The following CA10 variants were observed in gnomAD, a reference collection of about 807,000 sequenced individuals.
CA10 encodes the protein carbonic anhydrase 10 (inactive).
A neutral mutation model predicts 44.2 loss-of-function variants in CA10; 14 were observed. The observed-to-expected ratio is 0.32, with a 90% CI of 0.21 to 0.50. CA10 has a LOEUF of 0.50. Among genes scored for constraint, CA10 ranks in the 20% least tolerant of loss-of-function variants. The pLI is 0.99. For missense variants in CA10, 350 were observed against 409.7 expected, an observed-to-expected ratio of 0.85 and a Z score of 1.26; for synonymous variants, 159 against 141.6, an observed-to-expected ratio of 1.12 and a Z score of -0.87.
chr17:51,898,900 C>T (rs1433835111), intron 3 of CA10, among the ~76,000 whole-genome samples: 1 of 151,198 alleles, frequency 6.6e-6, no homozygotes, highest in Non-Finnish European at 1.5e-5. Flanking sequence ...TGGTAACGTC[C>T]CCTTTGCCAT....
intron 3 of CA10, among the ~76,000 whole-genome samples, chr17:51,889,105 A>G (rs1410305645): frequency 6.6e-6 from 1 of 152,124 alleles, no homozygotes; most frequent in Non-Finnish European, 1.5e-5. Flanking sequence ...TGTGAGGGAG[A>G]GTCCCACAAG....
intron 2 of CA10, among the ~76,000 whole-genome samples, chr17:51,974,000 T>C (rs931217977): frequency 2.0e-5 from 3 of 152,142 alleles, no homozygotes; most frequent in Non-Finnish European, 2.9e-5. Context: ...AAGCATATAC[T>C]TATTTCCTTG....
intron 3 of CA10, among the ~76,000 whole-genome samples, chr17:51,840,792 A>C (rs1978313134): frequency 6.6e-6 from 1 of 152,228 alleles, no homozygotes; most frequent in Non-Finnish European, 1.5e-5. Context: ...ATACGATATC[A>C]AAACCACAGT....
At chr17:51,824,941 G>A (rs890683129) in intron 3 of CA10, among the ~76,000 whole-genome samples, 27 of 152,356 alleles carry the variant, frequency 1.8e-4, no homozygotes, top group Admixed American at 1.6e-3. Context: ...CTGGCTAGCC[G>A]CTGGTTCGGT....
intron 2 of CA10, among the ~76,000 whole-genome samples, chr17:51,967,837 G>A (rs1007488088): frequency 4.0e-5 from 6 of 151,184 alleles, no homozygotes; most frequent in African/African-American, 1.5e-4. Flanking sequence ...AATAAAAGTT[G>A]AAATTATAAA....
chr17:51,727,796 A>G (rs1469241223), intron 4 of CA10, among the ~76,000 whole-genome samples: 3 of 152,218 alleles, frequency 2.0e-5, no homozygotes, highest in Non-Finnish European at 4.4e-5. Context: ...TTAGGAACAC[A>G]GCAGTGAAAA....
At chr17:51,714,300 G>A (rs1916030613) in intron 4 of CA10, among the ~76,000 whole-genome samples, 1 of 152,180 alleles carries the variant, frequency 6.6e-6, no homozygotes, top group Non-Finnish European at 1.5e-5. Context: ...TGAAAAAACT[G>A]AGTTCCGTCA....
At chr17:52,060,885 C>G (rs904017962) in intron 2 of CA10, among the ~76,000 whole-genome samples, 4 of 152,108 alleles carry the variant, frequency 2.6e-5, no homozygotes, top group African/African-American at 9.7e-5. Flanking sequence ...TAGATAGTAA[C>G]TTTATCTAAT....
chr17:51,789,641 A>G (rs1255603984), intron 3 of CA10, among the ~76,000 whole-genome samples: 1 of 151,988 alleles, frequency 6.6e-6, no homozygotes. Flanking sequence ...CCTCCACTCC[A>G]CCTGACTAAC....
At chr17:52,043,346 T>G (rs1447602003) in intron 2 of CA10, among the ~76,000 whole-genome samples, 1 of 152,084 alleles carries the variant, frequency 6.6e-6, no homozygotes, top group Non-Finnish European at 1.5e-5. Context: ...TAAATTTGAT[T>G]GTTTTCTTAA....
Position 51,867,578 on chromosome 17 carries a change from G to A in CA10, c.279+63412C>T, listed in dbSNP as rs183634920. Among the ~76,000 whole-genome samples, 51 of 152,314 alleles carry A rather than the reference G, an allele frequency of 3.3e-4. 3 individuals are homozygous for A. Among genetic ancestry groups the A allele is most frequent in the African/African-American group, 1.2e-3 (49 of 41,584 alleles). ...CGATGTTGCAGGTAAAGCACAGACT[G>A]CACTTGTCACACAGCCAGTGCTAAA... On this transcript the variant is annotated intron_variant, in intron 3 of 8. Coordinates refer to ENST00000451037, the MANE Select transcript of CA10 (RefSeq NM_020178.5).
chr17:51,697,313 C>T (rs1209654733), intron 4 of CA10, among the ~76,000 whole-genome samples: 1 of 152,236 alleles, frequency 6.6e-6, no homozygotes, highest in Non-Finnish European at 1.5e-5. Flanking sequence ...ACTCCCCCTA[C>T]AGCACATTTC....
chr17:51,970,606 T>G (rs951329424), intron 2 of CA10, among the ~76,000 whole-genome samples: 1 of 152,096 alleles, frequency 6.6e-6, no homozygotes, highest in African/African-American at 2.4e-5. Context: ...TCAGAATTAT[T>G]TGAACCATTA....
At chr17:51,866,026 C>T (rs1048500981) in intron 3 of CA10, among the ~76,000 whole-genome samples, 1 of 152,178 alleles carries the variant, frequency 6.6e-6, no homozygotes, top group African/African-American at 2.4e-5. Flanking sequence ...TAACTGTGCC[C>T]TGGTGACTTA....
At chr17:51,832,399 G>A (rs984562103) in intron 3 of CA10, among the ~76,000 whole-genome samples, 1 of 152,182 alleles carries the variant, frequency 6.6e-6, no homozygotes, top group Admixed American at 6.5e-5. Flanking sequence ...CCATGTGTAA[G>A]GTGAGGGTTT....
intron 4 of CA10, among the ~76,000 whole-genome samples, chr17:51,746,194 G>A (rs887131571): frequency 2.0e-5 from 3 of 152,298 alleles, no homozygotes; most frequent in African/African-American, 7.2e-5. Flanking sequence ...ATGAAATCAT[G>A]CAGCTTCTCT....
chr17:52,118,132 T>C (rs1280770639), intron 1 of CA10, among the ~76,000 whole-genome samples: 1 of 152,182 alleles, frequency 6.6e-6, no homozygotes, highest in African/African-American at 2.4e-5. Context: ...AAGATAGAAT[T>C]GTCTGTAAAG....
At chr17:51,988,569 T>C (rs892207756) in intron 2 of CA10, among the ~76,000 whole-genome samples, 14 of 152,010 alleles carry the variant, frequency 9.2e-5, no homozygotes, top group Non-Finnish European at 1.9e-4. Context: ...TGTCATGCAG[T>C]AAATATGCAA....
At position 51,991,371 on chromosome 17, in the gene CA10, T is replaced by C. The variant is rs186423397; in HGVS notation, c.137-60239A>G. On this transcript the variant is annotated intron_variant, in intron 2 of 8. Coordinates refer to ENST00000451037, the MANE Select transcript of CA10 (RefSeq NM_020178.5). ...TCCTTTAGATCTATTTCAGATGTAT[T>C]TCTTGCTGAATAATCTTTGTATGCA... Among the ~76,000 whole-genome samples, 3 of 152,308 alleles carry C rather than the reference T, an allele frequency of 2.0e-5. No homozygotes were observed. The East Asian group carries it at 5.8e-4, about 29-fold the overall frequency.
Sources: allele counts gnomAD v4.1 joint callset (sites outside exome capture counted in the v4.1 genomes callset), GRCh38; gene constraint gnomAD v4.1.1; transcripts MANE v1.5; gene names NCBI Gene and HGNC (gene_info 2026-07-23, HGNC 2026-07-21).